SYNDIG1: variants seen among roughly 807,000 people sequenced by gnomAD.
The protein encoded by SYNDIG1 is synapse differentiation-inducing gene protein 1.
In SYNDIG1, 9 loss-of-function variants were observed where a neutral mutation model predicts 19.4. That is an observed-to-expected ratio of 0.46 (90% CI 0.28 to 0.81). The LOEUF (loss-of-function observed/expected upper bound fraction) is 0.81, where lower values mean the gene tolerates loss of function less well. Ranked by LOEUF, SYNDIG1 falls within the 30% of genes least tolerant of loss-of-function variation. SYNDIG1 has a pLI of 0.12. For missense variants in SYNDIG1, 311 were observed against 343.3 expected (o/e 0.91, Z 0.74); for synonymous variants, 141 against 145.9 (o/e 0.97, Z 0.24).
At chr20:24,616,147 C>T (rs1486563607) in intron 3 of SYNDIG1, among the ~76,000 whole-genome samples, 4 of 152,156 alleles carry the variant, frequency 2.6e-5, no homozygotes, top group African/African-American at 9.7e-5. Flanking sequence ...CTTAAAGTAG[C>T]CCATATATTT....
At chr20:24,571,059 C>G (rs1273863750) in intron 2 of SYNDIG1, among the ~76,000 whole-genome samples, 1 of 152,154 alleles carries the variant, frequency 6.6e-6, no homozygotes, top group African/African-American at 2.4e-5. Context: ...ATTCCTATGC[C>G]TGCTCGAAAA....
At chr20:24,585,056 G>GCCCCC in intron 3 of SYNDIG1, 63 bp downstream of exon 3, 10 of 545,650 alleles carry the variant, frequency 1.8e-5, no homozygotes, top group Non-Finnish European at 2.8e-5. Context: ...GGTGGGGGCG[G>GCCCCC]CAATCCCAGC....
At chr20:24,525,791 G>A (rs6049755) in intron 1 of SYNDIG1, among the ~76,000 whole-genome samples, 114,374 of 152,122 alleles carry the variant, frequency 0.75, 43,300 homozygotes, top group African/African-American at 0.84. Context: ...ATTTTGGCCT[G>A]TTTATTTCTC....
chr20:24,489,478 GAC>G (rs948447833), intron 1 of SYNDIG1, among the ~76,000 whole-genome samples: 18 of 140,514 alleles, frequency 1.3e-4, no homozygotes, highest in Admixed American at 3.6e-4. Context: ...TACGTGCATG[GAC>G]ACACAGACAC....
intron 1 of SYNDIG1, among the ~76,000 whole-genome samples, chr20:24,483,936 T>C (rs1212509771): frequency 6.6e-6 from 1 of 152,068 alleles, no homozygotes; most frequent in African/African-American, 2.4e-5. Flanking sequence ...AAAGAGTGAC[T>C]AGCCTGGAGG....
At chr20:24,618,419 C>G (rs1171211441) in intron 3 of SYNDIG1, among the ~76,000 whole-genome samples, 1 of 152,032 alleles carries the variant, frequency 6.6e-6, no homozygotes, top group Non-Finnish European at 1.5e-5. Flanking sequence ...TCTACCATCT[C>G]TGGGAGGCAG....
chr20:24,482,615 ATG>A (rs2055830831), intron 1 of SYNDIG1, among the ~76,000 whole-genome samples: 1 of 152,228 alleles, frequency 6.6e-6, no homozygotes, highest in Admixed American at 6.5e-5. Context: ...CACGCAGAGT[ATG>A]TGTATCTTGC....
chr20:24,524,534 AC>A (rs1280068072), intron 1 of SYNDIG1, among the ~76,000 whole-genome samples: 1 of 151,396 alleles, frequency 6.6e-6, no homozygotes, highest in Non-Finnish European at 1.5e-5. Flanking sequence ...AGTCCCAGCT[AC>A]CCCGGGAGGC....
intron 2 of SYNDIG1, among the ~76,000 whole-genome samples, chr20:24,555,460 C>T (rs2057794811): frequency 6.6e-6 from 1 of 152,108 alleles, no homozygotes. Context: ...AAATTTCCCT[C>T]TACACAGTGC....
intron 3 of SYNDIG1, among the ~76,000 whole-genome samples, chr20:24,609,459 T>A (rs766757945): frequency 1.4e-4 from 21 of 152,148 alleles, no homozygotes; most frequent in Non-Finnish European, 2.9e-4. Context: ...CTTGTATCAG[T>A]CCATATGTAC....
At chr20:24,605,693 A>C (rs188188845) in intron 3 of SYNDIG1, among the ~76,000 whole-genome samples, 1 of 151,838 alleles carries the variant, frequency 6.6e-6, no homozygotes, top group Non-Finnish European at 1.5e-5. Context: ...GATTGGATAG[A>C]TTTTTTTTTC....
At chr20:24,629,975 A>T (rs1018349658) in intron 3 of SYNDIG1, among the ~76,000 whole-genome samples, 1 of 152,166 alleles carries the variant, frequency 6.6e-6, no homozygotes, top group Non-Finnish European at 1.5e-5. Flanking sequence ...GAGGTCATGC[A>T]CAAGTGCCTG....
At chr20:24,602,681 T>G (rs1298728646) in intron 3 of SYNDIG1, among the ~76,000 whole-genome samples, 1 of 152,254 alleles carries the variant, frequency 6.6e-6, no homozygotes, top group Non-Finnish European at 1.5e-5. Context: ...GGCCTGATAA[T>G]CCCTCATCTT....
chr20:24,643,699 T>A (rs1389392605), intron 3 of SYNDIG1, among the ~76,000 whole-genome samples: 2 of 152,248 alleles, frequency 1.3e-5, no homozygotes, highest in African/African-American at 4.8e-5. Flanking sequence ...ATCAATTTTT[T>A]AAATTTGAAT....
intron 1 of SYNDIG1, among the ~76,000 whole-genome samples, chr20:24,486,586 C>T (rs1001949337): frequency 1.3e-5 from 2 of 152,118 alleles, no homozygotes; most frequent in African/African-American, 4.8e-5. Flanking sequence ...GAGCTCTGGT[C>T]CAGTGGGTCG....
intron 1 of SYNDIG1, among the ~76,000 whole-genome samples, chr20:24,484,525 G>A (rs1252822793): frequency 6.6e-6 from 1 of 152,152 alleles, no homozygotes; most frequent in Non-Finnish European, 1.5e-5. Flanking sequence ...TGTTCAGGGT[G>A]AGTCTCAAGC....
At chr20:24,626,859 C>T (rs1335293196) in intron 3 of SYNDIG1, among the ~76,000 whole-genome samples, 1 of 152,168 alleles carries the variant, frequency 6.6e-6, no homozygotes, top group Admixed American at 6.5e-5. Flanking sequence ...GGATCACTCA[C>T]GGTTAGGAGC....
At chr20:24,622,122 A>G (rs912282063) in intron 3 of SYNDIG1, among the ~76,000 whole-genome samples, 2 of 152,248 alleles carry the variant, frequency 1.3e-5, no homozygotes, top group Non-Finnish European at 2.9e-5. Flanking sequence ...ATTATGATCA[A>G]TATGTGAAAG....
intron 3 of SYNDIG1, among the ~76,000 whole-genome samples, chr20:24,662,260 G>C (rs2059611383): frequency 6.6e-6 from 1 of 151,764 alleles, no homozygotes; most frequent in African/African-American, 2.4e-5. Context: ...GGGACAGGAA[G>C]GGGGTGCTTC....
Sources: gnomAD v4.1 joint callset for allele counts (sites outside exome capture counted in the v4.1 genomes callset) on GRCh38, gnomAD v4.1.1 for gene constraint, MANE v1.5 for transcripts, NCBI Gene and HGNC (gene_info 2026-07-23, HGNC 2026-07-21) for gene names.